Variants in AFDN observed in about 807,000 individuals in gnomAD.
AFDN encodes the protein afadin.
AFDN carries 68 observed loss-of-function variants against 216.6 expected under a neutral mutation model. That is an observed-to-expected ratio of 0.31 (90% CI 0.26 to 0.38). AFDN has a LOEUF of 0.38. Among genes scored for constraint, AFDN ranks in the 10% least tolerant of loss-of-function variants. AFDN has a pLI of 1.00. For synonymous variants in AFDN, 868 were observed against 853.7 expected, an observed-to-expected ratio of 1.02 and a Z score of -0.29; for missense variants, 2,136 against 2,342.0, an observed-to-expected ratio of 0.91 and a Z score of 1.82.
rs189237020 is a variant in AFDN at position 167,919,935 on chromosome 6, T to C, written c.2908+1002T>C. Among the ~76,000 whole-genome samples, 552 of 152,336 alleles carry C rather than the reference T, an allele frequency of 3.6e-3. 6 individuals are homozygous for C. The highest frequency in any genetic ancestry group is 0.013 in the African/African-American group (522 of 41,588). ...GTGTGATTTTTAATTTCAGTGAATG[T>C]TTCACTCCCCACAATAAATACGTTT... On this transcript the variant is annotated intron_variant, in intron 21 of 33. Coordinates refer to ENST00000683244, the MANE Select transcript of AFDN (RefSeq NM_001386888.1).
chr6:167,923,831 G>A (rs1277122191), intron 22 of AFDN, among the ~76,000 whole-genome samples: 4 of 151,642 alleles, frequency 2.6e-5, no homozygotes, highest in Admixed American at 2.0e-4. Flanking sequence ...CACCATGTTG[G>A]CCAGCCTGGT....
chr6:167,827,482 A>G (rs908570991), intron 1 of AFDN, among the ~76,000 whole-genome samples: 7 of 144,536 alleles, frequency 4.8e-5, no homozygotes, highest in African/African-American at 1.7e-4. Flanking sequence ...GGGGCGCGGC[A>G]GTCACCTGTT....
At chr6:167,851,956 T>G (rs1782360976) in intron 1 of AFDN, among the ~76,000 whole-genome samples, 1 of 152,240 alleles carries the variant, frequency 6.6e-6, no homozygotes, top group African/African-American at 2.4e-5. Context: ...TACACATTTT[T>G]TAGCGTGAAA....
chr6:167,917,155 T>G lies in AFDN; in HGVS notation c.2632T>G (p.Phe878Val). Residue 878 changes from phenylalanine to valine, a missense_variant, in exon 20 of 34, where the codon TTT (phenylalanine) becomes GTT (valine). Phe to Val is a conservative substitution (Grantham distance 50). Coordinates refer to ENST00000683244, the MANE Select transcript of AFDN (RefSeq NM_001386888.1). ...DDIPNINSTC[F>V]KLNSLQLQAL... ...CATTCCAAATATAAACAGCACCTGC[T>G]TTAAGTTAAATTCATTACAACTTCA... 6.2e-7 allele frequency: 1 copy of G among 1,612,700 alleles called. No homozygotes were observed. The highest frequency in any genetic ancestry group is 8.5e-7 in the Non-Finnish European group (1 of 1,179,658).
At chr6:167,936,652 A>G (rs1794037798) in intron 23 of AFDN, among the ~76,000 whole-genome samples, 1 of 152,086 alleles carries the variant, frequency 6.6e-6, no homozygotes, top group Admixed American at 6.5e-5. Flanking sequence ...AATGTTAAGG[A>G]ATTGTTATGG....
chr6:167,877,124 A>G (rs1269066092), intron 5 of AFDN, among the ~76,000 whole-genome samples: 1 of 152,192 alleles, frequency 6.6e-6, no homozygotes, highest in Non-Finnish European at 1.5e-5. Context: ...GTCTGAAGAA[A>G]TATTTAAGAG....
At chr6:167,873,774 A>G (rs1785041000) in intron 4 of AFDN, among the ~76,000 whole-genome samples, 1 of 152,180 alleles carries the variant, frequency 6.6e-6, no homozygotes, top group Non-Finnish European at 1.5e-5. Flanking sequence ...CTTTCCACAT[A>G]TTTATTAACC....
chr6:167,937,712 G>T (rs563728306), intron 23 of AFDN, among the ~76,000 whole-genome samples: 26 of 152,350 alleles, frequency 1.7e-4, no homozygotes, highest in African/African-American at 6.0e-4. Flanking sequence ...GACAATCATG[G>T]ATTTGAGTTC....
At chr6:167,916,206 C>T (rs73032782) in intron 19 of AFDN, among the ~76,000 whole-genome samples, 22,995 of 152,158 alleles carry the variant, frequency 0.15, 1,917 homozygotes, top group South Asian at 0.23. Flanking sequence ...TGTCTTCGTA[C>T]GGCATTCTCC....
At chr6:167,862,052 T>C (rs2300083) in intron 1 of AFDN, among the ~76,000 whole-genome samples, 134,515 of 152,216 alleles carry the variant, frequency 0.88, 59,629 homozygotes, top group Non-Finnish European at 0.92. Flanking sequence ...GTGAAAGTAT[T>C]GGAATCCTGG....
chr6:167,938,724 A>T (rs1039313705), intron 23 of AFDN, among the ~76,000 whole-genome samples: 6 of 152,100 alleles, frequency 3.9e-5, no homozygotes, highest in Non-Finnish European at 2.9e-5. Flanking sequence ...GTCTGCTTGT[A>T]TAGGGTGGCT....
rs182262054 is a variant in AFDN, at chr6:167,952,744, A to T, written c.4833+557A>T. On this transcript the variant is annotated intron_variant, in intron 30 of 33. Coordinates refer to ENST00000683244, the MANE Select transcript of AFDN (RefSeq NM_001386888.1). ...TTGTCAGCATTTTGTGGTGGTGAACAAAAGAAACTGTTCAGATCATTACAT... is the reference window on the plus strand; with the variant it reads ...TTGTCAGCATTTTGTGGTGGTGAACTAAAGAAACTGTTCAGATCATTACAT... 2.0e-3 allele frequency among the ~76,000 whole-genome samples: 303 copies of T among 152,372 alleles called. 1 individual carries two copies. The highest frequency in any genetic ancestry group is 7.1e-3 in the African/African-American group (295 of 41,594).
At chr6:167,944,443 T>G (rs1442184360) in intron 26 of AFDN, among the ~76,000 whole-genome samples, 1 of 151,838 alleles carries the variant, frequency 6.6e-6, no homozygotes, top group Admixed American at 6.5e-5. Flanking sequence ...ATAGGCAGAC[T>G]CAGGATTTAA....
Position 167,970,791 on chromosome 6 carries a change from T to G in AFDN, c.*856T>G, listed in dbSNP as rs1057389707. The G allele has an allele frequency of 4.6e-5, 10 of 219,706 alleles. No individual in the cohort carries two copies. The highest frequency in any genetic ancestry group is 1.6e-4 in the African/African-American group (7 of 44,538). The allele number at this position is 219,706 out of a possible 1,614,324, so 13.6% of individuals were successfully genotyped here. ...AAAGAAGATATCTTTATTGGAGCAATGTTCATGTGACTGGGAATGACAGAA... is the reference window on the plus strand; with the variant it reads ...AAAGAAGATATCTTTATTGGAGCAAGGTTCATGTGACTGGGAATGACAGAA... On this transcript the variant is annotated 3_prime_UTR_variant, in exon 34 of 34. Coordinates refer to ENST00000683244, the MANE Select transcript of AFDN (RefSeq NM_001386888.1).
At chr6:167,921,170 T>A (rs1791746745) in intron 21 of AFDN, among the ~76,000 whole-genome samples, 1 of 152,210 alleles carries the variant, frequency 6.6e-6, no homozygotes, top group African/African-American at 2.4e-5. Flanking sequence ...ATGCGTATAG[T>A]TTATAGGTTA....
chr6:167,926,300 G>A (rs1370765220), intron 23 of AFDN, among the ~76,000 whole-genome samples: 1 of 152,230 alleles, frequency 6.6e-6, no homozygotes, highest in Middle Eastern at 3.2e-3. Flanking sequence ...CAGCGAACAA[G>A]TGCAGAAGTA....
chr6:167,919,119 C>T (rs1443006275), intron 21 of AFDN, among the ~76,000 whole-genome samples, 186 bp downstream of exon 21: 1 of 152,230 alleles, frequency 6.6e-6, no homozygotes, highest in African/African-American at 2.4e-5. Flanking sequence ...TGTCGAGACA[C>T]AGAGCCCTTG....
intron 29 of AFDN, among the ~76,000 whole-genome samples, chr6:167,949,037 G>A (rs1016129492): frequency 6.6e-6 from 1 of 152,238 alleles, no homozygotes; most frequent in African/African-American, 2.4e-5. Context: ...CTAAGGCAGT[G>A]AAGATAGGCG....
intron 26 of AFDN, among the ~76,000 whole-genome samples, chr6:167,944,374 C>T (rs561481274): frequency 3.3e-5 from 5 of 151,986 alleles, no homozygotes; most frequent in Non-Finnish European, 7.4e-5. Context: ...ATGAATGTGA[C>T]GTGTTAAGGA....
Sources: gnomAD v4.1 joint callset for allele counts (sites outside exome capture counted in the v4.1 genomes callset) on GRCh38, gnomAD v4.1.1 for gene constraint, MANE v1.5 for transcripts, NCBI Gene and HGNC (gene_info 2026-07-23, HGNC 2026-07-21) for gene names.